FHAD1: variants seen among roughly 807,000 people sequenced by gnomAD.
The protein encoded by FHAD1 is forkhead associated phosphopeptide binding domain 1.
A neutral mutation model predicts 191.3 loss-of-function variants in FHAD1; 146 were observed. That is an observed-to-expected ratio of 0.76 (90% CI 0.67 to 0.88). FHAD1 has a LOEUF of 0.88. Among genes scored for constraint, FHAD1 ranks in the 40% least tolerant of loss-of-function variants. The pLI, the probability that FHAD1 is intolerant of heterozygous loss-of-function variation, is 0.00. For synonymous variants in FHAD1, 616 were observed against 672.3 expected, an observed-to-expected ratio of 0.92 and a Z score of 1.29; for missense variants, 1,635 against 1,785.8, an observed-to-expected ratio of 0.92 and a Z score of 1.52.
At chr1:15,375,462 G>A (rs1269143650) in intron 27 of FHAD1, 141 bp from the exon 28 acceptor site, 1 of 760,920 alleles carries the variant, frequency 1.3e-6, no homozygotes, top group Non-Finnish European at 2.0e-6. Context: ...ATCTCTCTAG[G>A]ACTGTGTCCT....
rs1646177631 is a variant in FHAD1 at position 15,247,277 on chromosome 1, C to CGGGCTG, written c.-132_-131insGGCTGG. 1 of 183,144 alleles carries CGGGCTG rather than the reference C, an allele frequency of 5.5e-6. No homozygotes were observed. The highest frequency in any genetic ancestry group is 2.4e-5 in the African/African-American group (1 of 41,544). 11.3% of individuals were successfully genotyped at this position (183,144 alleles called of 1,614,324 possible). A position where few individuals can be genotyped will look rare whatever the true frequency, so the allele number is the denominator to read the frequency against. ...GGCCGGGCGGGCGGGGTGCCGGGTG[C>CGGGCTG]GAGCTGGAGACTCCGCGGGAGCGCG... On this transcript the variant is annotated 5_prime_UTR_variant, in exon 1 of 34. Transcript: ENST00000688493.
At chr1:15,296,561 T>C (rs1667053572) in intron 4 of FHAD1, 123 bp from the exon 5 acceptor site, 1 of 1,017,800 alleles carries the variant, frequency 9.8e-7, no homozygotes, top group East Asian at 2.7e-5. Flanking sequence ...CCTTTAATTT[T>C]TAAATTACAT....
At chr1:15,257,674 A>T (rs926841866) in intron 2 of FHAD1, among the ~76,000 whole-genome samples, 1 of 152,212 alleles carries the variant, frequency 6.6e-6, no homozygotes, top group East Asian at 1.9e-4. Context: ...ACAGCAATGC[A>T]TGGGCCTACT....
rs113916277 is a variant in FHAD1 at position 15,381,529 on chromosome 1, C to T, written c.4022+78C>T. ...GGCTAAACTCAGGCTAGCAGCAGAC[C>T]TCTAGGCCTGGGACAGGAGGACAGA... On this transcript the variant is annotated intron_variant, in intron 30 of 33. Coordinates refer to ENST00000688493, the MANE Select transcript of FHAD1 (RefSeq NM_001391957.1). The surrounding 1 kb of genome is among the most constrained non-coding windows in gnomAD (Gnocchi z 4.6). 20,052 of 1,152,090 alleles carry T rather than the reference C, an allele frequency of 0.017. 2,172 individuals are homozygous for T. In the African/African-American group the frequency reaches 0.25, roughly 14 times the overall value. The allele number at this position is 1,152,090 out of a possible 1,614,324, so 71.4% of individuals were successfully genotyped here.
intron 2 of FHAD1, among the ~76,000 whole-genome samples, chr1:15,260,271 C>T (rs1036371064): frequency 1.3e-5 from 2 of 152,198 alleles, no homozygotes; most frequent in African/African-American, 4.8e-5. Context: ...TCGGCTGCAA[C>T]TTCTGTGTGT....
At chr1:15,279,722 C>T (rs2100208414) in intron 3 of FHAD1, among the ~76,000 whole-genome samples, 1 of 152,202 alleles carries the variant, frequency 6.6e-6, no homozygotes, top group South Asian at 2.1e-4. Flanking sequence ...GTTTGGATCA[C>T]ATGACTATCC....
chr1:15,344,778 C>T (rs1688195363), intron 16 of FHAD1, among the ~76,000 whole-genome samples: 1 of 152,170 alleles, frequency 6.6e-6, no homozygotes, highest in Non-Finnish European at 1.5e-5. Flanking sequence ...TGTTCATCGT[C>T]GCATCCACCC....
At chr1:15,386,312 GGC>G (rs1418932027) in intron 31 of FHAD1, among the ~76,000 whole-genome samples, 2 of 152,252 alleles carry the variant, frequency 1.3e-5, no homozygotes, top group African/African-American at 4.8e-5. Flanking sequence ...CCTGCCCGCT[GGC>G]GAGTCCTGCA....
chr1:15,313,326 G>C, intron 8 of FHAD1, 139 bp downstream of exon 8: 1 of 878,588 alleles, frequency 1.1e-6, no homozygotes. Flanking sequence ...TGTGCTGGGG[G>C]CGGGGTGGTG....
At chr1:15,296,379 G>A (rs1227451561) in intron 4 of FHAD1, among the ~76,000 whole-genome samples, 7 of 150,526 alleles carry the variant, frequency 4.7e-5, no homozygotes, top group South Asian at 2.1e-4. Flanking sequence ...TCAGCCTCCC[G>A]AGTAGCTGGG....
At chr1:15,382,342 A>G in intron 31 of FHAD1, 149 bp downstream of exon 31, 1 of 792,576 alleles carries the variant, frequency 1.3e-6, no homozygotes, top group South Asian at 1.9e-5. Flanking sequence ...TGCATCAGAC[A>G]GACCTAGATT....
chr1:15,256,864 TG>T (rs1214508081), intron 2 of FHAD1, among the ~76,000 whole-genome samples: 3 of 152,128 alleles, frequency 2.0e-5, no homozygotes, highest in Non-Finnish European at 4.4e-5. Context: ...TGCTCATGCC[TG>T]CCCCTCTGCC....
At chr1:15,317,351 C>G (rs1013244125) in intron 9 of FHAD1, among the ~76,000 whole-genome samples, 3 of 152,238 alleles carry the variant, frequency 2.0e-5, no homozygotes, top group Non-Finnish European at 4.4e-5. Flanking sequence ...AGTTCAGCTT[C>G]TCCAACTTGC....
Position 15,341,886 on chromosome 1 carries a change from G to T in FHAD1, c.2128G>T (p.Ala710Ser). 6.4e-7 allele frequency: 1 copy of T among 1,550,956 alleles called. No individual in the cohort carries two copies. The highest frequency in any genetic ancestry group is 8.7e-7 in the Non-Finnish European group (1 of 1,146,664). The change falls in exon 16 of 34, where the codon GCG becomes TCG. Residue 710 changes from alanine (A) to serine (S), a missense_variant and splice_region_variant. Transcript: ENST00000688493. ...AATCAGGCAACTGACGGAAGAGAAG[G>T]CGGTAAGGTGGTCCCTGCCATTTGC... is the stretch of plus-strand genomic sequence containing the variant. ...AKIRQLTEEK[A>S]ALEEYITQER...
intron 32 of FHAD1, among the ~76,000 whole-genome samples, chr1:15,389,496 A>G (rs1321066109): frequency 6.7e-6 from 1 of 149,266 alleles, no homozygotes; most frequent in Non-Finnish European, 1.5e-5. Context: ...GAGGGAAGAG[A>G]GGTTTAAAAC....
intron 2 of FHAD1, among the ~76,000 whole-genome samples, chr1:15,261,662 C>T (rs767608076): frequency 2.0e-5 from 3 of 152,102 alleles, no homozygotes; most frequent in East Asian, 3.9e-4. Context: ...GGAGGGAAGC[C>T]GACAAACTTC....
intron 4 of FHAD1, among the ~76,000 whole-genome samples, chr1:15,294,885 GTAAGGCCGCAGCTC>G (rs368369584): frequency 2.6e-5 from 4 of 152,266 alleles, no homozygotes; most frequent in African/African-American, 9.6e-5. Context: ...CGAACAGGCA[GTAAGGCCGCAGCTC>G]TAAGGCCGAA....
intron 33 of FHAD1, among the ~76,000 whole-genome samples, chr1:15,392,261 G>C (rs146817437): frequency 0.013 from 1,946 of 152,282 alleles, 18 homozygotes; most frequent in Non-Finnish European, 0.02. Context: ...GGCCAGGCGT[G>C]GTGGCTCACG....
intron 2 of FHAD1, among the ~76,000 whole-genome samples, chr1:15,256,232 A>G (rs1248680019): frequency 3.3e-5 from 5 of 152,194 alleles, no homozygotes; most frequent in Non-Finnish European, 2.9e-5. Context: ...TGGGTTTTTC[A>G]TGTGCATGAG....
Sources: allele counts gnomAD v4.1 joint callset (sites outside exome capture counted in the v4.1 genomes callset), GRCh38; gene constraint gnomAD v4.1.1; non-coding constraint Gnocchi (gnomAD v3.1); transcripts MANE v1.5; gene names NCBI Gene and HGNC (gene_info 2026-07-23, HGNC 2026-07-21).